Variants in NDUFA13 observed in about 807,000 individuals in gnomAD.
NDUFA13 encodes NADH dehydrogenase [ubiquinone] 1 alpha subcomplex subunit 13.
A neutral mutation model predicts 17.0 loss-of-function variants in NDUFA13; 16 were observed. The observed-to-expected ratio is 0.94, with a 90% confidence interval of 0.64 to 1.43. The LOEUF (loss-of-function observed/expected upper bound fraction) is 1.43. NDUFA13 is among the 40% of genes most tolerant of loss of function. The pLI, the probability that NDUFA13 is intolerant of heterozygous loss-of-function variation, is 0.00. For synonymous variants in NDUFA13, 87 were observed against 78.4 expected (o/e 1.11, Z -0.58); for missense variants, 228 against 206.7 (o/e 1.10, Z -0.63).
intron 1 of NDUFA13, chr19:19,525,911 T>G: frequency 1.1e-6 from 1 of 889,056 alleles, no homozygotes. Flanking sequence ...AGGGCCAGCC[T>G]GCCGCCCAGG....
intron 1 of NDUFA13, among the ~76,000 whole-genome samples, chr19:19,518,773 A>T (rs1282690893): frequency 4.5e-4 from 20 of 44,776 alleles, no homozygotes; most frequent in Non-Finnish European, 4.4e-4. Context: ...TGGAGTTTTC[A>T]CTTTTATTGC....
At chr19:19,519,530 C>G (rs976883790) in intron 1 of NDUFA13, among the ~76,000 whole-genome samples, 2 of 152,254 alleles carry the variant, frequency 1.3e-5, no homozygotes, top group Non-Finnish European at 2.9e-5. Context: ...GGAGGATACC[C>G]CTATGCTGGT....
rs377158786 is a variant in NDUFA13 at position 19,523,948 on chromosome 19, C to T, written c.95-2234C>T. ...TTGTCTCAAAAAATAAAATAAAATA[C>T]GTATTTTGTAAATGTTTCACTGTGT... On this transcript the variant is annotated intron_variant, in intron 1 of 4. Coordinates refer to ENST00000507754, the MANE Select transcript of NDUFA13 (RefSeq NM_015965.7). Among the ~76,000 whole-genome samples, 120 of 152,194 alleles carry T rather than the reference C, an allele frequency of 7.9e-4. 1 individual carries two copies. In the South Asian group the frequency reaches 0.017, roughly 21 times the overall value.
chr19:19,526,199 A>G lies in NDUFA13; in HGVS notation c.112A>G (p.Ile38Val), dbSNP rs1600349354. 1 of 1,614,106 alleles carries G rather than the reference A, an allele frequency of 6.2e-7. No individual in the cohort carries two copies. Among genetic ancestry groups the G allele is most frequent in the East Asian group, 2.2e-5 (1 of 44,886 alleles). Residue 38 changes from isoleucine to valine, a missense_variant, in exon 2 of 5, where the codon ATA becomes GTA. By Grantham distance (29) the Ile-to-Val change is conservative. Coordinates refer to ENST00000507754, the MANE Select transcript of NDUFA13 (RefSeq NM_015965.7). ...CTTCACAGGCTACAGCATGCTGGCC[A>G]TAGGGATTGGAACCCTGATCTACGG... ...RGLSGYSMLA[I>V]GIGTLIYGHW...
At chr19:19,516,353 G>A (rs2061048592) in intron 1 of NDUFA13, 21 bp downstream of exon 1, 1 of 1,612,016 alleles carries the variant, frequency 6.2e-7, no homozygotes, top group Admixed American at 1.7e-5. Flanking sequence ...CTCTGCGCCG[G>A]GGTCTCAGAG....
chr19:19,517,878 A>C (rs2061057485), intron 1 of NDUFA13, among the ~76,000 whole-genome samples: 1 of 152,150 alleles, frequency 6.6e-6, no homozygotes, highest in South Asian at 2.1e-4. Context: ...CTTTTTCTAT[A>C]AAAGGGACAG....
At chr19:19,526,331 T>C in intron 2 of NDUFA13, 71 bp downstream of exon 2, 3 of 1,544,904 alleles carry the variant, frequency 1.9e-6, no homozygotes, top group African/African-American at 1.4e-5. Context: ...AGCATTCCGC[T>C]GTTGTCTGTG....
chr19:19,526,412 C>T (rs1450893167), intron 2 of NDUFA13, 152 bp downstream of exon 2: 1 of 780,308 alleles, frequency 1.3e-6, no homozygotes, highest in Non-Finnish European at 2.2e-6. Flanking sequence ...CAGATCCAGA[C>T]CCAGCACTTC....
chr19:19,527,772 T>C lies in NDUFA13; in HGVS notation c.315+2T>C. Reference sequence around the variant, plus strand: ...ATGAAGGACGTGCCCGACTGGAAGGTGGGTCCCGGCTGGGAGGGCAGAGGT... The same window carrying C: ...ATGAAGGACGTGCCCGACTGGAAGGCGGGTCCCGGCTGGGAGGGCAGAGGT... On this transcript the variant is annotated splice_donor_variant, in intron 4 of 4. Coordinates refer to ENST00000507754, the MANE Select transcript of NDUFA13 (RefSeq NM_015965.7). LOFTEE classifies it high-confidence loss of function. 1.3e-6 allele frequency: 2 copies of C among 1,551,754 alleles called. No individual in the cohort carries two copies. The highest frequency in any genetic ancestry group is 1.7e-6 in the Non-Finnish European group (2 of 1,147,206).
At chr19:19,521,394 T>G (rs1274684299) in intron 1 of NDUFA13, among the ~76,000 whole-genome samples, 1 of 151,462 alleles carries the variant, frequency 6.6e-6, no homozygotes, top group Non-Finnish European at 1.5e-5. Flanking sequence ...TTTTTTATTA[T>G]TTTTTTCAAG....
At chr19:19,523,471 G>A (rs1214750135) in intron 1 of NDUFA13, among the ~76,000 whole-genome samples, 1 of 150,884 alleles carries the variant, frequency 6.6e-6, no homozygotes, top group African/African-American at 2.4e-5. Flanking sequence ...TTTTGGTTTT[G>A]TTTTCTGAAA....
At chr19:19,525,420 C>CCT (rs2061095616) in intron 1 of NDUFA13, among the ~76,000 whole-genome samples, 1 of 152,236 alleles carries the variant, frequency 6.6e-6, no homozygotes, top group African/African-American at 2.4e-5. Context: ...GCCCTGGAGG[C>CCT]CTGGAGATGG....
chr19:19,518,820 G>A (rs143887141), intron 1 of NDUFA13, among the ~76,000 whole-genome samples: 1,522 of 130,296 alleles, frequency 0.012, 34 homozygotes, highest in African/African-American at 0.042. Context: ...TTGGCTCACC[G>A]CAACCTCTGC....
At chr19:19,524,442 G>C (rs956142317) in intron 1 of NDUFA13, among the ~76,000 whole-genome samples, 1 of 152,214 alleles carries the variant, frequency 6.6e-6, no homozygotes, top group East Asian at 1.9e-4. Flanking sequence ...TGAGGGTGCA[G>C]GTTCTCCCCA....
intron 1 of NDUFA13, among the ~76,000 whole-genome samples, chr19:19,517,109 A>C (rs2061053193): frequency 6.6e-6 from 1 of 151,998 alleles, no homozygotes; most frequent in South Asian, 2.1e-4. Flanking sequence ...ATGTTTAAGT[A>C]ACACGTTAAA....
At chr19:19,526,489 G>A (rs2061100231) in intron 2 of NDUFA13, 9 of 591,002 alleles carry the variant, frequency 1.5e-5, no homozygotes, top group South Asian at 1.5e-4. Flanking sequence ...AGGCCAAGGT[G>A]GGAGCATTGC....
chr19:19,525,962 C>G, intron 1 of NDUFA13: 2 of 1,391,978 alleles, frequency 1.4e-6, no homozygotes, highest in South Asian at 1.5e-5. Flanking sequence ...CTGGGGCCCC[C>G]CTAGCAACCA....
intron 1 of NDUFA13, among the ~76,000 whole-genome samples, chr19:19,521,541 CT>C (rs2061077697): frequency 6.6e-6 from 1 of 152,258 alleles, no homozygotes; most frequent in African/African-American, 2.4e-5. Context: ...ATTTGTATGT[CT>C]GTCTGTGAGA....
chr19:19,524,927 C>T (rs1676669390), intron 1 of NDUFA13, among the ~76,000 whole-genome samples: 1 of 152,158 alleles, frequency 6.6e-6, no homozygotes, highest in Admixed American at 6.5e-5. Context: ...GTCCCAGTTA[C>T]TCGGGAGGCT....
Sources: allele counts gnomAD v4.1 joint callset (sites outside exome capture counted in the v4.1 genomes callset), GRCh38; gene constraint gnomAD v4.1.1; transcripts MANE v1.5; gene names NCBI Gene and HGNC (gene_info 2026-07-23, HGNC 2026-07-21).